Variants in SLIT3 observed in about 807,000 individuals in gnomAD.
SLIT3 encodes slit homolog 3 protein.
In SLIT3, 68 loss-of-function variants were observed where a neutral mutation model predicts 184.0. The observed-to-expected ratio is 0.37, with a 90% confidence interval of 0.30 to 0.45. The LOEUF is 0.45. SLIT3 is among the 20% of genes least tolerant of loss of function. SLIT3 has a pLI of 1.00. For synonymous variants in SLIT3, 831 were observed against 828.6 expected (o/e 1.00, Z -0.05); for missense variants, 1,707 against 2,026.0 (o/e 0.84, Z 3.02).
intron 4 of SLIT3, among the ~76,000 whole-genome samples, chr5:169,154,260 G>T (rs868038357): frequency 6.6e-6 from 1 of 152,156 alleles, no homozygotes; most frequent in Non-Finnish European, 1.5e-5. Flanking sequence ...GTGCCTGGCC[G>T]ATGCTGCCAG....
intron 4 of SLIT3, among the ~76,000 whole-genome samples, chr5:169,155,833 G>C (rs1762285691): frequency 6.6e-6 from 1 of 152,186 alleles, no homozygotes; most frequent in Non-Finnish European, 1.5e-5. Flanking sequence ...TGGTTAGAAG[G>C]ACCACCACTA....
intron 2 of SLIT3, among the ~76,000 whole-genome samples, chr5:169,250,794 G>A (rs1346454607): frequency 6.6e-6 from 1 of 152,208 alleles, no homozygotes; most frequent in Non-Finnish European, 1.5e-5. Context: ...CTTTTTGACA[G>A]ACAAGCACTT....
In SLIT3 at chr5:169,064,039, T is replaced by A. The variant is rs183575782; in HGVS notation, c.413+129440A>T. The stretch of plus-strand genomic sequence containing the variant: ...GGTTAATATGATGTAATTAGCAGGG[T>A]AAATTATTTTCAAAAGGGAAGGGCT... On this transcript the variant is annotated intron_variant, in intron 4 of 35. Coordinates refer to ENST00000519560, the MANE Select transcript of SLIT3 (RefSeq NM_003062.4). Among the ~76,000 whole-genome samples, 280 of 152,290 alleles carry A rather than the reference T, an allele frequency of 1.8e-3. 1 individual carries two copies. Among genetic ancestry groups the A allele is most frequent in the Middle Eastern group, 3.4e-3 (1 of 294 alleles).
chr5:168,768,936 G>T (rs1755446857), intron 14 of SLIT3, among the ~76,000 whole-genome samples: 1 of 152,172 alleles, frequency 6.6e-6, no homozygotes, highest in African/African-American at 2.4e-5. Flanking sequence ...AGAAAGACAG[G>T]AAAACAAATG....
intron 4 of SLIT3, among the ~76,000 whole-genome samples, chr5:168,895,314 AG>A (rs1760624108): frequency 6.6e-6 from 1 of 151,676 alleles, no homozygotes; most frequent in African/African-American, 2.4e-5. Context: ...CAGGGTGGGG[AG>A]GGGCTGTGCC....
At chr5:168,843,665 G>A (rs574129378) in intron 6 of SLIT3, among the ~76,000 whole-genome samples, 76 of 152,344 alleles carry the variant, frequency 5.0e-4, no homozygotes, top group African/African-American at 1.5e-3. Context: ...TCAACCACAC[G>A]TCTCCTGACA....
At chr5:168,779,940 A>G (rs1161449237) in intron 12 of SLIT3, among the ~76,000 whole-genome samples, 1 of 152,214 alleles carries the variant, frequency 6.6e-6, no homozygotes, top group Non-Finnish European at 1.5e-5. Context: ...TGGGGAGAAG[A>G]TCGCTGAGCC....
In SLIT3 at chr5:169,046,948, C is replaced by T. The variant is rs147535981; in HGVS notation, c.413+146531G>A. Among the ~76,000 whole-genome samples, 546 of 152,210 alleles carry T rather than the reference C, an allele frequency of 3.6e-3. 9 individuals carry two copies. Among genetic ancestry groups the T allele is most frequent in the South Asian group, 0.019 (91 of 4,816 alleles). On this transcript the variant is annotated intron_variant, in intron 4 of 35. Transcript: ENST00000519560. Reference sequence around the variant, plus strand: ...CACCATTTGCTTTCTATATTCTAGGCGCTTGCTACAGGGTGTCTACTCTGG... The same window carrying T: ...CACCATTTGCTTTCTATATTCTAGGTGCTTGCTACAGGGTGTCTACTCTGG...
intron 4 of SLIT3, among the ~76,000 whole-genome samples, chr5:169,142,325 A>G (rs996043318): frequency 6.6e-6 from 1 of 152,170 alleles, no homozygotes; most frequent in Non-Finnish European, 1.5e-5. Context: ...ACTCAAGGGT[A>G]AAAACAGGGC....
At chr5:168,810,236 T>G (rs1757116882) in intron 8 of SLIT3, among the ~76,000 whole-genome samples, 2 of 152,194 alleles carry the variant, frequency 1.3e-5, no homozygotes, top group Non-Finnish European at 2.9e-5. Context: ...AATTTTATAT[T>G]GGGATAGAAG....
intron 32 of SLIT3, among the ~76,000 whole-genome samples, chr5:168,676,617 A>G (rs1761419694): frequency 6.6e-6 from 1 of 152,250 alleles, no homozygotes; most frequent in Admixed American, 6.5e-5. Context: ...TTGAGCCCTC[A>G]GACAGTTTTC....
At chr5:168,883,233 A>G (rs1419884891) in intron 5 of SLIT3, 32 bp downstream of exon 5, 2 of 1,593,926 alleles carry the variant, frequency 1.3e-6, no homozygotes, top group Admixed American at 1.7e-5. Flanking sequence ...AGTTAGCCAC[A>G]TACGTAGTGA....
intron 4 of SLIT3, among the ~76,000 whole-genome samples, chr5:169,078,852 A>G (rs577540513): frequency 6.6e-6 from 1 of 152,350 alleles, no homozygotes; most frequent in East Asian, 1.9e-4. Flanking sequence ...GTCCTCAAGG[A>G]GCTGTAGTCT....
chr5:169,083,821 CTGTT>C (rs1759170141), intron 4 of SLIT3, among the ~76,000 whole-genome samples: 2 of 152,150 alleles, frequency 1.3e-5, no homozygotes, highest in Non-Finnish European at 2.9e-5. Flanking sequence ...GGAACTCTTC[CTGTT>C]TGTCTGGCAA....
chr5:168,858,553 C>T (rs1489981429), intron 5 of SLIT3, among the ~76,000 whole-genome samples: 2 of 152,234 alleles, frequency 1.3e-5, no homozygotes, highest in Non-Finnish European at 2.9e-5. Flanking sequence ...TTACATAGTG[C>T]CCTGGACTCT....
intron 4 of SLIT3, among the ~76,000 whole-genome samples, chr5:169,035,709 G>A (rs1158990754): frequency 2.7e-5 from 4 of 150,888 alleles, no homozygotes; most frequent in African/African-American, 7.3e-5. Flanking sequence ...TACAAAGTGA[G>A]TACCACGATA....
intron 6 of SLIT3, among the ~76,000 whole-genome samples, chr5:168,836,236 G>C (rs182337937): frequency 1.2e-3 from 185 of 152,324 alleles, no homozygotes; most frequent in African/African-American, 4.2e-3. Flanking sequence ...AGCTGTGGCA[G>C]GCAGGTTTGG....
At chr5:168,855,090 T>C (rs1758815645) in intron 5 of SLIT3, among the ~76,000 whole-genome samples, 2 of 152,182 alleles carry the variant, frequency 1.3e-5, no homozygotes, top group South Asian at 4.1e-4. Flanking sequence ...CAGTCTCTGT[T>C]TTACACACTA....
At chr5:169,277,858 A>G (rs1766864936) in intron 1 of SLIT3, among the ~76,000 whole-genome samples, 1 of 152,158 alleles carries the variant, frequency 6.6e-6, no homozygotes, top group Admixed American at 6.5e-5. Flanking sequence ...CAGCTGCACC[A>G]TTTTACGTTT....
Sources: allele counts gnomAD v4.1 joint callset (sites outside exome capture counted in the v4.1 genomes callset), GRCh38; gene constraint gnomAD v4.1.1; transcripts MANE v1.5; gene names NCBI Gene and HGNC (gene_info 2026-07-23, HGNC 2026-07-21).